Variants in KIF4A observed in about 807,000 individuals in gnomAD.
KIF4A encodes the protein chromosome-associated kinesin KIF4A.
A neutral mutation model predicts 105.9 loss-of-function variants in KIF4A; 7 were observed. That is an observed-to-expected ratio of 0.07 (90% CI 0.04 to 0.12). KIF4A has a LOEUF of 0.12. Among genes scored for constraint, KIF4A ranks in the 10% least tolerant of loss-of-function variants. KIF4A has a pLI of 1.00. For synonymous variants in KIF4A, 281 were observed against 331.3 expected (o/e 0.85, Z 1.65); for missense variants, 558 against 929.2 (o/e 0.60, Z 5.19).
chrX:70,387,158 C>A, intron 19 of KIF4A, 26 bp from the exon 20 acceptor site: 1 of 1,002,240 alleles, frequency 1.0e-6, no homozygotes, highest in Non-Finnish European at 1.4e-6. Flanking sequence ...ATTCATTCAA[C>A]ATTACTATGT....
At position 70,351,441 on chromosome X, in the gene KIF4A, G is replaced by A. The variant is rs188780193; in HGVS notation, c.1432-1159G>A. Among the ~76,000 whole-genome samples the A allele has an allele frequency of 4.5e-5, 5 of 112,142 alleles. No individual in the cohort carries two copies. The Admixed American group carries it at 4.7e-4, about 11-fold the overall frequency. On this transcript the variant is annotated intron_variant, in intron 13 of 30. Coordinates refer to ENST00000374403, the MANE Select transcript of KIF4A (RefSeq NM_012310.5). ...ATTTCACTTAAGATAATGGCCTCTA[G>A]TTTCATTCAAGTTGCTGCAAGAGAC...
chrX:70,349,280 G>A (rs1404455182), intron 13 of KIF4A, among the ~76,000 whole-genome samples: 1 of 92,435 alleles, frequency 1.1e-5, no homozygotes, highest in African/African-American at 4.2e-5. Context: ...ACAATGGGCG[G>A]CTGGGTAGAG....
intron 3 of KIF4A, among the ~76,000 whole-genome samples, chrX:70,291,659 A>T (rs1414438881): frequency 1.8e-5 from 2 of 111,878 alleles, no homozygotes; most frequent in Non-Finnish European, 3.8e-5. Flanking sequence ...AAGTAGAATC[A>T]TGGCATGCTA....
chrX:70,353,918 A>G, intron 15 of KIF4A, 111 bp downstream of exon 15: 14 of 613,255 alleles, frequency 2.3e-5, no homozygotes, highest in Non-Finnish European at 2.9e-5. Context: ...CAAAATGTAT[A>G]TAGTATAATG....
intron 10 of KIF4A, among the ~76,000 whole-genome samples, chrX:70,341,081 T>C (rs1172283982): frequency 9.0e-6 from 1 of 111,458 alleles, no homozygotes; most frequent in African/African-American, 3.3e-5. Context: ...ACCCTCCCTT[T>C]TCCTCGTATT....
rs185975181 is a variant in KIF4A, at chrX:70,407,580, T to C, written c.3255+505T>C. Among the ~76,000 whole-genome samples the C allele has an allele frequency of 2.0e-4, 22 of 111,517 alleles. No individual in the cohort carries two copies. The East Asian group carries it at 4.3e-3, about 22-fold the overall frequency. On this transcript the variant is annotated intron_variant, in intron 28 of 30. Coordinates refer to ENST00000374403, the MANE Select transcript of KIF4A (RefSeq NM_012310.5). Reference sequence around the variant, plus strand: ...ATCTTTGTGTAGAACCTGGGGCTAGTATAGAGGGCTGCTTGAGTGCACAAG... The same window carrying C: ...ATCTTTGTGTAGAACCTGGGGCTAGCATAGAGGGCTGCTTGAGTGCACAAG...
intron 20 of KIF4A, among the ~76,000 whole-genome samples, chrX:70,392,128 T>C (rs1380239704): frequency 8.9e-6 from 1 of 112,057 alleles, no homozygotes; most frequent in African/African-American, 3.2e-5. Context: ...TAGTTTTTTG[T>C]AATACCTTGG....
At position 70,338,011 on chromosome X, in the gene KIF4A, GGT is replaced by G. The variant is rs750706903; in HGVS notation, c.1134-3781_1134-3780del. The stretch of plus-strand genomic sequence containing the variant: ...TTCGTGATATTAGCCCTTTGTCTGT[GGT>G]GTGTGTTACAGATAATTTCTCTGAA... On this transcript the variant is annotated intron_variant, in intron 10 of 30. Coordinates refer to ENST00000374403, the MANE Select transcript of KIF4A (RefSeq NM_012310.5). Among the ~76,000 whole-genome samples, 131 of 110,966 alleles carry G rather than the reference GGT, an allele frequency of 1.2e-3. 2 individuals carry two copies. Among genetic ancestry groups the G allele is most frequent in the Non-Finnish European group, 1.0e-3 (55 of 52,903 alleles).
At chrX:70,306,996 T>G (rs1471354137) in intron 7 of KIF4A, among the ~76,000 whole-genome samples, 1 of 110,046 alleles carries the variant, frequency 9.1e-6, no homozygotes, top group Admixed American at 9.7e-5. Context: ...GGTTGATTTT[T>G]AATTTTTTTT....
intron 4 of KIF4A, among the ~76,000 whole-genome samples, chrX:70,298,424 G>A (rs754348795): frequency 2.5e-4 from 27 of 108,477 alleles, no homozygotes; most frequent in Non-Finnish European, 5.2e-4. Context: ...GTAGAGACAG[G>A]GTCTCACTAT....
intron 20 of KIF4A, among the ~76,000 whole-genome samples, chrX:70,392,735 CATTCTT>C (rs941700254): frequency 5.5e-5 from 6 of 109,024 alleles, no homozygotes; most frequent in African/African-American, 2.0e-4. Flanking sequence ...AGAACCAACT[CATTCTT>C]ATAATAGGTA....
chrX:70,386,778 A>G, intron 19 of KIF4A, 77 bp downstream of exon 19: 1 of 751,857 alleles, frequency 1.3e-6, no homozygotes, highest in South Asian at 2.4e-5. Context: ...TATCCTTTAA[A>G]CTAGCAAGCG....
chrX:70,412,313 C>T (rs188702408), intron 28 of KIF4A, among the ~76,000 whole-genome samples: 2 of 111,995 alleles, frequency 1.8e-5, no homozygotes, highest in East Asian at 5.6e-4. Flanking sequence ...AATGTGCTGT[C>T]CTATACATCA....
At chrX:70,318,391 A>C (rs773653213) in intron 7 of KIF4A, among the ~76,000 whole-genome samples, 88 of 111,871 alleles carry the variant, frequency 7.9e-4, no homozygotes, top group African/African-American at 2.8e-3. Flanking sequence ...ATAGTAATCT[A>C]TCATTTGTCT....
intron 22 of KIF4A, among the ~76,000 whole-genome samples, chrX:70,401,434 T>C (rs1295173395): frequency 9.6e-6 from 1 of 104,455 alleles, no homozygotes; most frequent in African/African-American, 3.5e-5. Flanking sequence ...GGAGTATTGC[T>C]CTGTCTCCCA....
At chrX:70,357,944 T>C (rs2086058684) in intron 15 of KIF4A, among the ~76,000 whole-genome samples, 1 of 111,443 alleles carries the variant, frequency 9.0e-6, no homozygotes, top group African/African-American at 3.3e-5. Context: ...AGGGTCTTGC[T>C]CTGTTACCCA....
chrX:70,369,422 A>T (rs1340491060), intron 15 of KIF4A, among the ~76,000 whole-genome samples: 2 of 112,397 alleles, frequency 1.8e-5, no homozygotes, highest in African/African-American at 6.5e-5. Context: ...CATCTATCAG[A>T]TTGGTAACAG....
At position 70,411,257 on chromosome X, in the gene KIF4A, C is replaced by T. The variant is rs571224390; in HGVS notation, c.3255+4182C>T. On this transcript the variant is annotated intron_variant, in intron 28 of 30. Coordinates refer to ENST00000374403, the MANE Select transcript of KIF4A (RefSeq NM_012310.5). ...AGTGAACTATGATTGTGCCACTGCA[C>T]TCCAGCCTCAGTGACCGAGCAAGAC... Among the ~76,000 whole-genome samples, 145 of 108,438 alleles carry T rather than the reference C, an allele frequency of 1.3e-3. 2 individuals carry two copies. In the South Asian group the frequency reaches 0.057, roughly 43 times the overall value. The allele number at this position is 108,438 out of a possible 115,157, so 94.2% of individuals were successfully genotyped here.
intron 15 of KIF4A, among the ~76,000 whole-genome samples, chrX:70,371,514 G>C (rs1015435996): frequency 1.8e-5 from 2 of 111,622 alleles, no homozygotes; most frequent in African/African-American, 6.5e-5. Context: ...CGGGGTGGTG[G>C]CCGGGCAGAA....
Sources: gnomAD v4.1 joint callset for allele counts (sites outside exome capture counted in the v4.1 genomes callset) on GRCh38, gnomAD v4.1.1 for gene constraint, MANE v1.5 for transcripts, NCBI Gene and HGNC (gene_info 2026-07-23, HGNC 2026-07-21) for gene names.